The following AIFM3 variants were observed in gnomAD, a reference collection of about 807,000 sequenced individuals.
AIFM3 encodes the protein AIF family member 3.
AIFM3 carries 71 observed loss-of-function variants against 82.7 expected under a neutral mutation model. The ratio of observed to expected loss-of-function variants is 0.86; its 90% CI spans 0.71 to 1.05. AIFM3 has a LOEUF of 1.05. Ranked by LOEUF, AIFM3 falls within the 50% of genes least tolerant of loss-of-function variation. AIFM3 has a pLI of 0.00. For missense variants in AIFM3, 748 were observed against 816.7 expected, an observed-to-expected ratio of 0.92 and a Z score of 1.03; for synonymous variants, 337 against 329.1, an observed-to-expected ratio of 1.02 and a Z score of -0.26.
chr22:20,980,810 G>A (rs1196906673), intron 20 of AIFM3, 43 bp downstream of exon 20: 2 of 1,612,934 alleles, frequency 1.2e-6, no homozygotes, highest in Non-Finnish European at 1.7e-6. Flanking sequence ...CCTTTCCCAT[G>A]TCAGCCCAGA....
rs756274075 is a variant in AIFM3, at chr22:20,973,763, G to A, written c.251G>A (p.Arg84Gln). Reference protein sequence around the residue: ...HVKDLENGQMREVELGWGKVL... With the variant: ...HVKDLENGQMQEVELGWGKVL... ...TGAGTGCTGCGGTTCCCCAGGATGC[G>A]GGAAGTGGAGCTGGGCTGGGGGAAG... Residue 84 changes from arginine (R) to glutamine (Q), a missense_variant, in exon 4 of 21, where the codon CGG (arginine) becomes CAG (glutamine). Physicochemically the swap from Arg to Gln is conservative, Grantham distance 43 (BLOSUM62 1). Around this residue, in one of 5 missense-constraint regions of AIFM3, gnomAD observed 148 missense variants for 134.1 expected, o/e 1.10. Coordinates refer to ENST00000440238, the MANE Select transcript of AIFM3 (RefSeq NM_001386814.1). 15 of 1,560,010 alleles carry A rather than the reference G, an allele frequency of 9.6e-6. No individual in the cohort carries two copies. The highest frequency in any genetic ancestry group is 1.8e-4 in the Middle Eastern group (1 of 5,608).
intron 16 of AIFM3, among the ~76,000 whole-genome samples, chr22:20,978,551 G>A (rs1032224764): frequency 6.6e-6 from 1 of 151,984 alleles, no homozygotes; most frequent in Non-Finnish European, 1.5e-5. Context: ...TAAGCTGCAG[G>A]TGCCATCACA....
Position 20,976,510 on chromosome 22 carries a change from C to T in AIFM3, c.1002C>T (p.Asn334=), listed in dbSNP as rs369535222. The part of the protein sequence containing the change: ...NRVVRLARGR[N]VVVVGAGFLG... ...TGGTGAGGCTGGCCCGAGGCCGCAA[C>T]GTGGTCGTCGTGGGAGCCGGCTTCC... is the stretch of plus-strand genomic sequence containing the variant. The change falls in exon 11 of 21, where the codon AAC becomes AAT. Residue 334 remains asparagine (N), a synonymous_variant. Transcript: ENST00000440238. The T allele has an allele frequency of 3.7e-5, 59 of 1,613,522 alleles. No individual in the cohort carries two copies. The highest frequency in any genetic ancestry group is 4.4e-5 in the Non-Finnish European group (52 of 1,180,024).
At chr22:20,975,601 C>G (rs775116337) in intron 8 of AIFM3, 91 bp from the exon 9 acceptor site, 1 of 1,253,358 alleles carries the variant, frequency 8.0e-7, no homozygotes, top group Non-Finnish European at 1.2e-6. Context: ...TGTCCTGCAG[C>G]CCCTATGTGA....
chr22:20,974,926 A>G (rs1923539412), intron 8 of AIFM3, 110 bp downstream of exon 8: 1 of 1,002,846 alleles, frequency 1.0e-6, no homozygotes, highest in East Asian at 2.6e-5. Flanking sequence ...CTCCCTGCTT[A>G]TGCCAGGCCT....
At chr22:20,979,033 G>A (rs998026281) in intron 16 of AIFM3, among the ~76,000 whole-genome samples, 4 of 152,148 alleles carry the variant, frequency 2.6e-5, no homozygotes, top group African/African-American at 9.7e-5. Context: ...CAGAGTCAGG[G>A]CACTTTATTC....
chr22:20,976,227 G>A lies in AIFM3; in HGVS notation c.820G>A (p.Asp274Asn). 1 of 1,613,610 alleles carries A rather than the reference G, an allele frequency of 6.2e-7. No individual in the cohort carries two copies. Among genetic ancestry groups the A allele is most frequent in the Non-Finnish European group, 8.5e-7 (1 of 1,179,870 alleles). ...VLTEAQVVTV[D>N]VRTKKVVFKD... ...GTGGGGATTGCAGGTGGTCACAGTG[G>A]ACGTGAGAACTAAGAAGGTCGTGTT... The change falls in exon 10 of 21, where the codon GAC becomes AAC. Residue 274 changes from aspartate (D) to asparagine (N), a missense_variant. This residue lies in a region of AIFM3 where 393 missense variants were observed against 481.1 expected (regional missense o/e 0.82). Coordinates refer to ENST00000440238, the MANE Select transcript of AIFM3 (RefSeq NM_001386814.1).
rs370587105 is a variant in AIFM3 at position 20,976,383 on chromosome 22, C to T, written c.900-25C>T. ...GACGGGGCTGGGGCTGCCAGGAGGCCCTCACTGACACGGCCATGTCTCAGC... is the reference window on the plus strand; with the variant it reads ...GACGGGGCTGGGGCTGCCAGGAGGCTCTCACTGACACGGCCATGTCTCAGC... On this transcript the variant is annotated intron_variant, in intron 10 of 20. Coordinates refer to ENST00000440238, the MANE Select transcript of AIFM3 (RefSeq NM_001386814.1). The T allele has an allele frequency of 6.5e-5, 105 of 1,613,636 alleles. No homozygotes were observed. In the African/African-American group the frequency reaches 1.2e-3, roughly 19 times the overall value.
rs764065613 is a variant in AIFM3 at position 20,973,365 on chromosome 22, G to C, written c.90G>C (p.Ser30=). 1 of 1,609,848 alleles carries C rather than the reference G, an allele frequency of 6.2e-7. No individual in the cohort carries two copies. The highest frequency in any genetic ancestry group is 1.3e-5 in the African/African-American group (1 of 74,976). ...AGGAGCGAGGCAAGGAGGAGCTGTC[G>C]GCCAGTGGGAAGGGCAGCCCCCGGG... ...PEKERGKEEL[S]ASGKGSPRAY... is the part of the protein sequence containing the mutation. Residue 30 remains serine (S), a synonymous_variant, in exon 3 of 21, where the codon TCG becomes TCC. Transcript: ENST00000440238.
At position 20,976,767 on chromosome 22, in the gene AIFM3, G is replaced by A. The variant is rs189788146; in HGVS notation, c.1146+1G>A. On this transcript the variant is annotated splice_donor_variant, in intron 12 of 20. Transcript: ENST00000440238. LOFTEE classifies it high-confidence loss of function. Reference sequence around the variant, plus strand: ...GCGCGTGGGTCGTGCCCTCATGAAGGTGAGCCCACCCCAGCACCCAGTGCC... The same window carrying A: ...GCGCGTGGGTCGTGCCCTCATGAAGATGAGCCCACCCCAGCACCCAGTGCC... 5.6e-6 allele frequency: 9 copies of A among 1,612,254 alleles called. No homozygotes were observed. The East Asian group carries it at 1.8e-4, about 32-fold the overall frequency.
intron 16 of AIFM3, 57 bp from the exon 17 acceptor site, chr22:20,979,214 G>A: frequency 2.6e-6 from 4 of 1,526,648 alleles, no homozygotes; most frequent in South Asian, 1.2e-5. Context: ...TCAGGAGCAG[G>A]TAGTGTGGGA....
upstream of AIFM3, chr22:20,965,392 C>T (rs1922809914): frequency 6.6e-6 from 1 of 152,252 alleles, no homozygotes; most frequent in South Asian, 2.1e-4. Flanking sequence ...AAGCTCACCT[C>T]GTCCTTCTCT....
At chr22:20,972,873 T>C (rs1196310433) in intron 2 of AIFM3, among the ~76,000 whole-genome samples, 1 of 152,106 alleles carries the variant, frequency 6.6e-6, no homozygotes, top group Non-Finnish European at 1.5e-5. Context: ...GGCAAAACCC[T>C]GTCTCTACCA....
intron 3 of AIFM3, 91 bp downstream of exon 3, chr22:20,973,611 G>A: frequency 7.0e-7 from 1 of 1,434,166 alleles, no homozygotes; most frequent in Admixed American, 2.3e-5. Context: ...TTGGCCTGAA[G>A]GGGCTATGAC....
In AIFM3 at chr22:20,975,635, G is replaced by C; in HGVS notation, c.721-57G>C. ...GACTGGGGCTGGCCCCACCTTCCCT[G>C]GGCCCCAGTGTCTTCTGCTGTAAAC... On this transcript the variant is annotated intron_variant, in intron 8 of 20. Transcript: ENST00000440238. The C allele has an allele frequency of 3.2e-6, 5 of 1,572,552 alleles. No individual in the cohort carries two copies. The South Asian group carries it at 5.5e-5, about 17-fold the overall frequency.
chr22:20,980,634 T>G (rs1451416383), intron 19 of AIFM3, 113 bp from the exon 20 acceptor site: 88 of 1,422,380 alleles, frequency 6.2e-5, no homozygotes, highest in Non-Finnish European at 7.4e-5. Context: ...TGGGAGGCTA[T>G]GAGACAGGGG....
At chr22:20,968,636 T>C (rs1173813333) in intron 2 of AIFM3, among the ~76,000 whole-genome samples, 1 of 152,128 alleles carries the variant, frequency 6.6e-6, no homozygotes, top group Non-Finnish European at 1.5e-5. Context: ...TAAAGACTCA[T>C]GTCTGCGGAG....
Position 20,980,122 on chromosome 22 carries a change from GGAGT to G in AIFM3, c.1757+4_1757+7del, listed in dbSNP as rs1207009383. 1.9e-6 allele frequency: 3 copies of G among 1,606,648 alleles called. No homozygotes were observed. Among genetic ancestry groups the G allele is most frequent in the East Asian group, 4.5e-5 (2 of 44,892 alleles). On this transcript the variant is annotated splice_donor_variant and coding_sequence_variant, in exon 19 of 21. Coordinates refer to ENST00000440238, the MANE Select transcript of AIFM3 (RefSeq NM_001386814.1). LOFTEE classifies it high-confidence loss of function. ...GCCGTGCCATCCGGAAGCGGGAGGT[GGAGT>G]GAGTGTGGGTGTGGGAAGCCTGGGG...
intron 2 of AIFM3, among the ~76,000 whole-genome samples, chr22:20,971,966 TGGG>T (rs11090488): frequency 2.2e-5 from 3 of 139,054 alleles, no homozygotes; most frequent in African/African-American, 7.8e-5. Context: ...ATGGAGGCTG[TGGG>T]GGGGGGGGGC....
Sources: allele counts gnomAD v4.1 joint callset (sites outside exome capture counted in the v4.1 genomes callset), GRCh38; gene constraint gnomAD v4.1.1; regional missense constraint gnomAD v4.1.1; transcripts MANE v1.5; gene names NCBI Gene and HGNC (gene_info 2026-07-23, HGNC 2026-07-21).